The following YWHAE variants were observed in gnomAD, a reference collection of about 807,000 sequenced individuals.
YWHAE encodes 14-3-3 protein epsilon.
YWHAE carries 4 observed loss-of-function variants against 30.1 expected under a neutral mutation model. The observed-to-expected ratio is 0.13, with a 90% confidence interval of 0.07 to 0.30. The LOEUF is 0.30. Ranked by LOEUF, YWHAE falls within the 10% of genes least tolerant of loss-of-function variation. The pLI is 1.00. For synonymous variants in YWHAE, 118 were observed against 111.8 expected (o/e 1.06, Z -0.35); for missense variants, 121 against 315.9 (o/e 0.38, Z 4.68).
At chr17:1,362,720 G>C (rs898424411) in intron 2 of YWHAE, among the ~76,000 whole-genome samples, 1 of 151,912 alleles carries the variant, frequency 6.6e-6, no homozygotes, top group Non-Finnish European at 1.5e-5. Flanking sequence ...CTTTCATGAG[G>C]GTCCTCTCCG....
At chr17:1,388,773 T>C (rs1255813387) in intron 1 of YWHAE, among the ~76,000 whole-genome samples, 1 of 152,182 alleles carries the variant, frequency 6.6e-6, no homozygotes, top group Non-Finnish European at 1.5e-5. Flanking sequence ...TAGTATATTC[T>C]GCATTAAGTA....
At chr17:1,371,602 T>C (rs1476050498) in intron 1 of YWHAE, among the ~76,000 whole-genome samples, 1 of 152,144 alleles carries the variant, frequency 6.6e-6, no homozygotes, top group Admixed American at 6.6e-5. Context: ...GAGCACTGGT[T>C]TCAATTTAAA....
chr17:1,399,229 G>C (rs745827149), intron 1 of YWHAE: 5 of 152,132 alleles, frequency 3.3e-5, no homozygotes, highest in Non-Finnish European at 7.3e-5. Context: ...TGGAGCCAGA[G>C]AAAGGTTACA....
At chr17:1,375,804 T>C (rs1598256873) in intron 1 of YWHAE, among the ~76,000 whole-genome samples, 1 of 152,230 alleles carries the variant, frequency 6.6e-6, no homozygotes, top group East Asian at 1.9e-4. Flanking sequence ...GTTTTTCCCC[T>C]TGACTTGTTA....
chr17:1,373,063 A>C (rs2073065004), intron 1 of YWHAE, among the ~76,000 whole-genome samples: 1 of 151,746 alleles, frequency 6.6e-6, no homozygotes, highest in Non-Finnish European at 1.5e-5. Context: ...CAACATGGAG[A>C]AACCCTGTCT....
At chr17:1,362,082 G>T in intron 2 of YWHAE, 74 bp from the exon 3 acceptor site, 1 of 874,426 alleles carries the variant, frequency 1.1e-6, no homozygotes, top group Non-Finnish European at 1.7e-6. Context: ...TTCTATCTCT[G>T]GTTTTGAGGT....
intron 5 of YWHAE, among the ~76,000 whole-genome samples, chr17:1,351,062 A>G (rs529907828): frequency 1.5e-4 from 23 of 149,018 alleles, no homozygotes; most frequent in Non-Finnish European, 3.0e-4. Flanking sequence ...CCGTCTCACA[A>G]AACAAAACAA....
chr17:1,390,786 A>G (rs2073377891), intron 1 of YWHAE, among the ~76,000 whole-genome samples: 2 of 152,198 alleles, frequency 1.3e-5, no homozygotes. Flanking sequence ...TCCTGATCTG[A>G]TCACAAATCA....
At chr17:1,380,002 T>G (rs1293689294) in intron 1 of YWHAE, among the ~76,000 whole-genome samples, 2 of 152,136 alleles carry the variant, frequency 1.3e-5, no homozygotes, top group Non-Finnish European at 2.9e-5. Flanking sequence ...CCACGTGCAC[T>G]TTTATTAGAC....
In YWHAE at chr17:1,345,265, C is replaced by T. The variant is rs1221327594; in HGVS notation, c.*182G>A. The T allele has an allele frequency of 1.6e-6, 1 of 606,790 alleles. No individual in the cohort carries two copies. The highest frequency in any genetic ancestry group is 2.8e-5 in the East Asian group (1 of 35,444). The allele number at this position is 606,790 out of a possible 1,614,324, so 37.6% of individuals were successfully genotyped here. On this transcript the variant is annotated 3_prime_UTR_variant, in exon 6 of 6. Coordinates refer to ENST00000264335, the MANE Select transcript of YWHAE (RefSeq NM_006761.5). ...AAAATCCACAGAAATTCACTCTTGC[C>T]TTTAAGAACTTTTGAAAACTGTTTA...
At chr17:1,367,234 C>T (rs1369146904) in intron 1 of YWHAE, among the ~76,000 whole-genome samples, 1 of 152,188 alleles carries the variant, frequency 6.6e-6, no homozygotes, top group Admixed American at 6.6e-5. Flanking sequence ...GGAAACCCCT[C>T]AAATGTGCAT....
In YWHAE at chr17:1,400,033, C is replaced by A; in HGVS notation, c.64+14G>T. On this transcript the variant is annotated intron_variant, in intron 1 of 5. Coordinates refer to ENST00000264335, the MANE Select transcript of YWHAE (RefSeq NM_006761.5). The stretch of plus-strand genomic sequence containing the variant: ...GTCCGAGAATTCCAGCCCCCCGTTG[C>A]CCCCCCAACTCACCGTCGTATCGCT... The A allele has an allele frequency of 1.2e-6, 2 of 1,602,368 alleles. No homozygotes were observed. The highest frequency in any genetic ancestry group is 1.7e-6 in the Non-Finnish European group (2 of 1,169,648).
At position 1,344,738 on chromosome 17, in the gene YWHAE, G is replaced by A; in HGVS notation, c.*709C>T. 4.3e-6 allele frequency: 1 copy of A among 230,204 alleles called. No homozygotes were observed. Among genetic ancestry groups the A allele is most frequent in the Non-Finnish European group, 8.6e-6 (1 of 115,906 alleles). 14.3% of individuals were successfully genotyped at this position (230,204 alleles called of 1,614,324 possible). ...AGGAGTGAGGGGAAGGAGGTAGGGGGAGGGGGAAGGAGAAGAAACAAAAGA... is the reference window on the plus strand; with the variant it reads ...AGGAGTGAGGGGAAGGAGGTAGGGGAAGGGGGAAGGAGAAGAAACAAAAGA... On this transcript the variant is annotated 3_prime_UTR_variant, in exon 6 of 6. Transcript: ENST00000264335.
intron 5 of YWHAE, chr17:1,347,819 G>A (rs1262246667): frequency 1.5e-5 from 4 of 275,476 alleles, no homozygotes; most frequent in Non-Finnish European, 2.2e-5. Flanking sequence ...TAGGCAGGAG[G>A]AGCAGGCCGG....
At chr17:1,353,049 T>C (rs2072662153) in intron 5 of YWHAE, among the ~76,000 whole-genome samples, 1 of 152,130 alleles carries the variant, frequency 6.6e-6, no homozygotes, top group Non-Finnish European at 1.5e-5. Flanking sequence ...CATAACAAAT[T>C]TGGGCTCCTG....
At chr17:1,370,167 A>AAAGC (rs1555642577) in intron 1 of YWHAE, among the ~76,000 whole-genome samples, 4 of 119,926 alleles carry the variant, frequency 3.3e-5, no homozygotes, top group Non-Finnish European at 6.3e-5. Flanking sequence ...TCGCTCTGTC[A>AAAGC]CCAGGCTGGA....
intron 5 of YWHAE, 29 bp from the exon 6 acceptor site, chr17:1,345,528 T>G: frequency 1.2e-6 from 2 of 1,609,382 alleles, no homozygotes; most frequent in Non-Finnish European, 1.7e-6. Flanking sequence ...AGTCAATTAT[T>G]TCGTATTGAC....
chr17:1,377,042 T>C (rs550084124), intron 1 of YWHAE, among the ~76,000 whole-genome samples: 1 of 151,952 alleles, frequency 6.6e-6, no homozygotes, highest in East Asian at 1.9e-4. Flanking sequence ...GCCTCCCTGG[T>C]AGTTAGGACT....
intron 1 of YWHAE, among the ~76,000 whole-genome samples, chr17:1,373,136 G>A (rs1052356062): frequency 3.3e-5 from 5 of 151,992 alleles, no homozygotes; most frequent in Middle Eastern, 6.8e-3. Context: ...CCAGCTACTC[G>A]GGACGCTGAG....
Sources: allele counts gnomAD v4.1 joint callset (sites outside exome capture counted in the v4.1 genomes callset), GRCh38; gene constraint gnomAD v4.1.1; transcripts MANE v1.5; gene names NCBI Gene and HGNC (gene_info 2026-07-23, HGNC 2026-07-21).